MTF1: variants seen among roughly 807,000 people sequenced by gnomAD.
MTF1 encodes metal regulatory transcription factor 1.
A neutral mutation model predicts 70.4 loss-of-function variants in MTF1; 22 were observed. The ratio of observed to expected loss-of-function variants is 0.31; its 90% CI spans 0.22 to 0.45. MTF1 has a LOEUF of 0.45. Among genes scored for constraint, MTF1 ranks in the 20% least tolerant of loss-of-function variants. MTF1 has a pLI of 1.00. For synonymous variants in MTF1, 333 were observed against 352.8 expected, an observed-to-expected ratio of 0.94 and a Z score of 0.63; for missense variants, 649 against 922.0, an observed-to-expected ratio of 0.70 and a Z score of 3.83.
At chr1:37,857,160 C>A in intron 2 of MTF1, 91 bp downstream of exon 2, 1 of 1,323,080 alleles carries the variant, frequency 7.6e-7, no homozygotes, top group Non-Finnish European at 1.1e-6. Flanking sequence ...ACCCCATGCA[C>A]TCCTTTACTC....
At chr1:37,848,666 G>A (rs1557597965) in intron 2 of MTF1, among the ~76,000 whole-genome samples, 1 of 152,190 alleles carries the variant, frequency 6.6e-6, no homozygotes, top group Non-Finnish European at 1.5e-5. Flanking sequence ...GGACCTGAGT[G>A]ATGGAAATGC....
chr1:37,845,065 C>A (rs1641313250), intron 2 of MTF1, among the ~76,000 whole-genome samples: 1 of 152,222 alleles, frequency 6.6e-6, no homozygotes, highest in South Asian at 2.1e-4. Context: ...GGACTGTAAG[C>A]TCCATGAGAG....
chr1:37,817,219 G>T (rs1189627546), intron 10 of MTF1, among the ~76,000 whole-genome samples, 200 bp downstream of exon 10: 1 of 152,072 alleles, frequency 6.6e-6, no homozygotes, highest in South Asian at 2.1e-4. Context: ...TGTTAAACAC[G>T]GTATTTTGGC....
At chr1:37,832,411 C>G in intron 6 of MTF1, 89 bp from the exon 7 acceptor site, 1 of 817,232 alleles carries the variant, frequency 1.2e-6, no homozygotes, top group Non-Finnish European at 2.0e-6. Context: ...TACAAAGTCC[C>G]TAATGTTCCA....
chr1:37,852,371 A>G (rs1641428817), intron 2 of MTF1, among the ~76,000 whole-genome samples: 1 of 152,170 alleles, frequency 6.6e-6, no homozygotes, highest in Non-Finnish European at 1.5e-5. Context: ...CCCCATCAAA[A>G]CTTTTTCCTT....
Position 37,845,091 on chromosome 1 carries a change from T to A in MTF1, c.409-4933A>T, listed in dbSNP as rs188356466. Among the ~76,000 whole-genome samples, 35 of 152,360 alleles carry A rather than the reference T, an allele frequency of 2.3e-4. 1 individual carries two copies. Among genetic ancestry groups the A allele is most frequent in the Admixed American group, 5.9e-4 (9 of 15,304 alleles). On this transcript the variant is annotated intron_variant, in intron 2 of 10. Coordinates refer to ENST00000373036, the MANE Select transcript of MTF1 (RefSeq NM_005955.3). The stretch of plus-strand genomic sequence containing the variant: ...TCCATGAGAGCAAGGACTACGTTTA[T>A]CCTGTTCACTGACACAACTTCCGGG...
Position 37,824,360 on chromosome 1 carries a change from A to G in MTF1, c.1069-548T>C, listed in dbSNP as rs940639645. ...ACTGTCTGGCTCATTACCAAAAAAA[A>G]CCTTGCTGACTTCTGATCTAAAAGA... is the stretch of plus-strand genomic sequence containing the variant. On this transcript the variant is annotated intron_variant, in intron 7 of 10. Coordinates refer to ENST00000373036, the MANE Select transcript of MTF1 (RefSeq NM_005955.3). Among the ~76,000 whole-genome samples the G allele has an allele frequency of 4.6e-5, 7 of 152,212 alleles. No homozygotes were observed. The South Asian group carries it at 1.4e-3, about 31-fold the overall frequency.
At chr1:37,829,721 C>A (rs1641058610) in intron 7 of MTF1, among the ~76,000 whole-genome samples, 1 of 151,144 alleles carries the variant, frequency 6.6e-6, no homozygotes, top group Admixed American at 6.6e-5. Flanking sequence ...GGAGGTGGAG[C>A]TTGTAGTGAG....
At chr1:37,821,502 A>G (rs1342898143) in intron 9 of MTF1, among the ~76,000 whole-genome samples, 1 of 152,118 alleles carries the variant, frequency 6.6e-6, no homozygotes, top group Non-Finnish European at 1.5e-5. Context: ...AAAATAAATC[A>G]TGTTTTTTCT....
chr1:37,839,162 C>A (rs1392079218), intron 3 of MTF1, among the ~76,000 whole-genome samples: 3 of 152,126 alleles, frequency 2.0e-5, no homozygotes, highest in African/African-American at 7.2e-5. Flanking sequence ...GCTTCAGGAT[C>A]AAGTGCGTAA....
At chr1:37,826,877 G>A (rs1163083956) in intron 7 of MTF1, among the ~76,000 whole-genome samples, 2 of 152,208 alleles carry the variant, frequency 1.3e-5, no homozygotes, top group South Asian at 2.1e-4. Flanking sequence ...TACTCGGGAC[G>A]CTGAGGCAGG....
intron 6 of MTF1, among the ~76,000 whole-genome samples, chr1:37,834,332 C>T (rs1641130774): frequency 1.1e-5 from 1 of 88,852 alleles, no homozygotes; most frequent in African/African-American, 3.3e-5. Context: ...TCAAGTGATA[C>T]AGGAAGCTAC....
At chr1:37,843,479 G>A (rs995434643) in intron 2 of MTF1, among the ~76,000 whole-genome samples, 8 of 152,144 alleles carry the variant, frequency 5.3e-5, no homozygotes, top group African/African-American at 1.9e-4. Flanking sequence ...AGAGATTTGA[G>A]ATAAGGATGA....
chr1:37,848,550 T>A (rs983481330), intron 2 of MTF1, among the ~76,000 whole-genome samples: 3 of 152,238 alleles, frequency 2.0e-5, no homozygotes, highest in African/African-American at 7.2e-5. Context: ...CAGTACTTAA[T>A]ATGTACAACC....
At chr1:37,842,076 T>C (rs1481559856) in intron 2 of MTF1, among the ~76,000 whole-genome samples, 2 of 151,420 alleles carry the variant, frequency 1.3e-5, no homozygotes, top group South Asian at 4.2e-4. Flanking sequence ...TAAACAATAA[T>C]AGAAATAAAA....
At chr1:37,836,106 A>T (rs1373171041) in intron 4 of MTF1, among the ~76,000 whole-genome samples, 1 of 152,098 alleles carries the variant, frequency 6.6e-6, no homozygotes, top group Non-Finnish European at 1.5e-5. Context: ...GCCTCTGAAC[A>T]TCTCTTATAA....
intron 2 of MTF1, among the ~76,000 whole-genome samples, chr1:37,853,977 C>A (rs1641454047): frequency 6.6e-6 from 1 of 152,184 alleles, no homozygotes; most frequent in Non-Finnish European, 1.5e-5. Context: ...TGGACTGAAA[C>A]CAACAAGATA....
intron 1 of MTF1, among the ~76,000 whole-genome samples, chr1:37,858,295 A>G (rs1463372821): frequency 6.6e-6 from 1 of 152,218 alleles, no homozygotes; most frequent in Non-Finnish European, 1.5e-5. Flanking sequence ...AGGCAGAGTC[A>G]TCTACCTACA....
intron 2 of MTF1, among the ~76,000 whole-genome samples, chr1:37,845,048 C>T (rs368255453): frequency 6.6e-6 from 1 of 152,212 alleles, no homozygotes; most frequent in Non-Finnish European, 1.5e-5. Flanking sequence ...ATAGCTACTT[C>T]CCGGCTGGAC....
Sources: allele counts gnomAD v4.1 joint callset (sites outside exome capture counted in the v4.1 genomes callset), GRCh38; gene constraint gnomAD v4.1.1; transcripts MANE v1.5; gene names NCBI Gene and HGNC (gene_info 2026-07-23, HGNC 2026-07-21).